Variants in ROBO1 observed in about 807,000 individuals in gnomAD.
ROBO1 encodes roundabout homolog 1.
In ROBO1, 149 loss-of-function variants were observed where a neutral mutation model predicts 195.9. The ratio of observed to expected loss-of-function variants is 0.76; its 90% CI spans 0.67 to 0.87. The LOEUF is 0.87. Ranked by LOEUF, ROBO1 falls within the 40% of genes least tolerant of loss-of-function variation. The pLI is 0.00. For missense variants in ROBO1, 1,933 were observed against 2,068.3 expected (o/e 0.93, Z 1.27); for synonymous variants, 816 against 733.2 (o/e 1.11, Z -1.82).
chr3:79,165,516 C>T (rs1411735570), intron 2 of ROBO1, among the ~76,000 whole-genome samples: 1 of 152,134 alleles, frequency 6.6e-6, no homozygotes, highest in African/African-American at 2.4e-5. Context: ...AAAGCTGATT[C>T]GAAGATCAGA....
chr3:79,352,758 A>G (rs1176458632), intron 2 of ROBO1, among the ~76,000 whole-genome samples: 1 of 152,206 alleles, frequency 6.6e-6, no homozygotes, highest in Non-Finnish European at 1.5e-5. Context: ...AAGGAATCCA[A>G]CATATTATAT....
At chr3:79,393,114 G>A (rs985705160) in intron 2 of ROBO1, among the ~76,000 whole-genome samples, 1 of 152,172 alleles carries the variant, frequency 6.6e-6, no homozygotes, top group Admixed American at 6.5e-5. Flanking sequence ...CACTGGGCCT[G>A]CCTTCCATAC....
intron 2 of ROBO1, among the ~76,000 whole-genome samples, chr3:79,149,546 T>TTGTTG (rs1559695392): frequency 1.5e-4 from 19 of 130,890 alleles, no homozygotes; most frequent in African/African-American, 5.6e-4. Flanking sequence ...TGTTGTTGTT[T>TTGTTG]TTGTCTTTCA....
Position 79,662,951 on chromosome 3 carries a change from C to T in ROBO1, c.-50-72990G>A, listed in dbSNP as rs759269866. 3.2e-4 allele frequency among the ~76,000 whole-genome samples: 48 copies of T among 151,842 alleles called. 1 individual carries two copies. Among genetic ancestry groups the T allele is most frequent in the South Asian group, 4.1e-4 (2 of 4,822 alleles). ...AAAGAAAAAATATATAAAATAATCA[C>T]GATATATAAGGTGGTATTTATTATT... On this transcript the variant is annotated intron_variant, in intron 1 of 30. Coordinates refer to ENST00000464233, the MANE Select transcript of ROBO1 (RefSeq NM_002941.4).
intron 3 of ROBO1, among the ~76,000 whole-genome samples, chr3:79,092,728 A>G (rs952948419): frequency 6.6e-6 from 1 of 152,128 alleles, no homozygotes; most frequent in Admixed American, 6.6e-5. Flanking sequence ...CAGGAAGTCA[A>G]TATTGTTTGG....
At chr3:79,459,865 T>G (rs189389076) in intron 2 of ROBO1, among the ~76,000 whole-genome samples, 3 of 152,214 alleles carry the variant, frequency 2.0e-5, no homozygotes, top group Admixed American at 2.0e-4. Context: ...AAGCAAATGT[T>G]GGTGAATTCT....
intron 1 of ROBO1, among the ~76,000 whole-genome samples, chr3:79,698,901 A>AATAATAGT (rs1947526291): frequency 6.6e-6 from 1 of 151,474 alleles, no homozygotes; most frequent in Non-Finnish European, 1.5e-5. Context: ...TAAGCTTTAA[A>AATAATAGT]ATAATAGTTT....
At chr3:79,602,318 A>G (rs1944362487) in intron 1 of ROBO1, among the ~76,000 whole-genome samples, 1 of 152,044 alleles carries the variant, frequency 6.6e-6, no homozygotes, top group African/African-American at 2.4e-5. Flanking sequence ...AAAAAGATTC[A>G]TACACAAAAG....
At chr3:79,443,243 A>G (rs1223581169) in intron 2 of ROBO1, among the ~76,000 whole-genome samples, 1 of 152,148 alleles carries the variant, frequency 6.6e-6, no homozygotes, top group Non-Finnish European at 1.5e-5. Flanking sequence ...AAAGCAACCA[A>G]GGGATAAGCC....
At chr3:78,947,782 T>C (rs1234115385) in intron 3 of ROBO1, among the ~76,000 whole-genome samples, 1 of 151,874 alleles carries the variant, frequency 6.6e-6, no homozygotes, top group Non-Finnish European at 1.5e-5. Flanking sequence ...CTAGCAAGAC[T>C]AATAAAGAAG....
chr3:78,851,856 T>C (rs59381744), intron 4 of ROBO1, among the ~76,000 whole-genome samples: 2,775 of 152,096 alleles, frequency 0.018, 90 homozygotes, highest in African/African-American at 0.061. Context: ...TTAGGTTAAT[T>C]CTCTTCATTT....
intron 4 of ROBO1, among the ~76,000 whole-genome samples, chr3:78,835,685 T>C (rs943081049): frequency 1.3e-5 from 2 of 152,210 alleles, no homozygotes; most frequent in African/African-American, 4.8e-5. Context: ...TTACATTTAA[T>C]TGACTGAAAA....
At chr3:78,850,780 CTT>C (rs1435258236) in intron 4 of ROBO1, among the ~76,000 whole-genome samples, 1 of 151,664 alleles carries the variant, frequency 6.6e-6, no homozygotes, top group Non-Finnish European at 1.5e-5. Context: ...CTGTTATTTT[CTT>C]TCTTTTCTTT....
chr3:79,525,324 T>C (rs929852662), intron 2 of ROBO1, among the ~76,000 whole-genome samples: 2 of 149,764 alleles, frequency 1.3e-5, no homozygotes, highest in Non-Finnish European at 3.0e-5. Flanking sequence ...AAAATGGTTC[T>C]AATAAAATAT....
At chr3:79,686,938 G>A (rs1197885601) in intron 1 of ROBO1, among the ~76,000 whole-genome samples, 1 of 152,102 alleles carries the variant, frequency 6.6e-6, no homozygotes, top group Non-Finnish European at 1.5e-5. Flanking sequence ...GAACAAAGCT[G>A]GAGGCATCAT....
At chr3:78,815,744 T>A (rs982642170) in intron 4 of ROBO1, among the ~76,000 whole-genome samples, 1 of 152,190 alleles carries the variant, frequency 6.6e-6, no homozygotes, top group Non-Finnish European at 1.5e-5. Context: ...ATTTTTTTAA[T>A]GAGATTGCAG....
At position 79,733,138 on chromosome 3, in the gene ROBO1, G is replaced by A. The variant is rs537846262; in HGVS notation, c.-51+34614C>T. Among the ~76,000 whole-genome samples, 45 of 152,056 alleles carry A rather than the reference G, an allele frequency of 3.0e-4. No homozygotes were observed. In the East Asian group the frequency reaches 5.8e-3, roughly 20 times the overall value. Reference sequence around the variant, plus strand: ...CATCTCCAATCGATAAATCCGCAAGGGCTACACTTTTTACCTCCTAAAACT... The same window carrying A: ...CATCTCCAATCGATAAATCCGCAAGAGCTACACTTTTTACCTCCTAAAACT... On this transcript the variant is annotated intron_variant, in intron 1 of 30. Coordinates refer to ENST00000464233, the MANE Select transcript of ROBO1 (RefSeq NM_002941.4).
intron 2 of ROBO1, among the ~76,000 whole-genome samples, chr3:79,349,933 G>GA (rs2035276205): frequency 2.0e-5 from 3 of 151,978 alleles, no homozygotes; most frequent in East Asian, 3.9e-4. Context: ...AGCAACAATA[G>GA]AAAAAAACAG....
intron 2 of ROBO1, among the ~76,000 whole-genome samples, chr3:79,453,938 A>G (rs1455048916): frequency 6.6e-6 from 1 of 152,090 alleles, no homozygotes; most frequent in African/African-American, 2.4e-5. Context: ...CCAGGTGCTG[A>G]GCCTCTTCTA....
Sources: allele counts gnomAD v4.1 joint callset (sites outside exome capture counted in the v4.1 genomes callset), GRCh38; gene constraint gnomAD v4.1.1; transcripts MANE v1.5; gene names NCBI Gene and HGNC (gene_info 2026-07-23, HGNC 2026-07-21).